Variants in SUSD4 observed in about 807,000 individuals in gnomAD.
The protein encoded by SUSD4 is sushi domain containing 4.
A neutral mutation model predicts 50.5 loss-of-function variants in SUSD4; 41 were observed. The observed-to-expected ratio is 0.81, with a 90% CI of 0.63 to 1.05. The LOEUF is 1.05. Among genes scored for constraint, SUSD4 ranks in the 50% least tolerant of loss-of-function variants. The pLI is 0.00. For missense variants in SUSD4, 580 were observed against 634.7 expected (o/e 0.91, Z 0.93); for synonymous variants, 257 against 257.3 (o/e 1.00, Z 0.01).
At chr1:223,273,291 G>A (rs1663039593) in intron 3 of SUSD4, among the ~76,000 whole-genome samples, 1 of 152,214 alleles carries the variant, frequency 6.6e-6, no homozygotes, top group South Asian at 2.1e-4. Context: ...ATTTTAGTGT[G>A]ATAGGGAGTT....
chr1:223,324,842 G>T (rs1450427650), intron 2 of SUSD4, among the ~76,000 whole-genome samples: 1 of 152,016 alleles, frequency 6.6e-6, no homozygotes, highest in East Asian at 1.9e-4. Flanking sequence ...AGCAGGCAGA[G>T]CCTAACTCTA....
intron 2 of SUSD4, among the ~76,000 whole-genome samples, chr1:223,326,902 A>C (rs187079920): frequency 6.6e-6 from 1 of 152,332 alleles, no homozygotes; most frequent in Admixed American, 6.5e-5. Context: ...TGAAAATGTA[A>C]ACTAGTATAA....
intron 3 of SUSD4, among the ~76,000 whole-genome samples, chr1:223,274,395 A>C (rs1418153): frequency 0.28 from 42,715 of 152,152 alleles, 7,424 homozygotes; most frequent in Non-Finnish European, 0.4. Flanking sequence ...CTTTGTGAGC[A>C]GGGCTGGTCC....
chr1:223,245,778 G>A (rs1660882554), intron 5 of SUSD4, among the ~76,000 whole-genome samples: 1 of 152,216 alleles, frequency 6.6e-6, no homozygotes, highest in African/African-American at 2.4e-5. Flanking sequence ...GTGGTGGGAA[G>A]AAGAGTGACT....
chr1:223,317,719 T>C (rs1180288305), intron 2 of SUSD4, among the ~76,000 whole-genome samples: 1 of 151,984 alleles, frequency 6.6e-6, no homozygotes, highest in Non-Finnish European at 1.5e-5. Context: ...TTTATTATTA[T>C]ATTTATGATT....
intron 2 of SUSD4, among the ~76,000 whole-genome samples, chr1:223,304,714 T>G (rs1665409286): frequency 1.4e-5 from 2 of 147,698 alleles, no homozygotes. Flanking sequence ...TGAGAATGTA[T>G]ACTTTGAATC....
At chr1:223,330,735 A>G (rs1389057528) in intron 2 of SUSD4, among the ~76,000 whole-genome samples, 1 of 152,232 alleles carries the variant, frequency 6.6e-6, no homozygotes, top group African/African-American at 2.4e-5. Context: ...GACAAATTCA[A>G]GTAAACAGAT....
At chr1:223,276,366 T>A (rs1170076572) in intron 3 of SUSD4, among the ~76,000 whole-genome samples, 2 of 152,144 alleles carry the variant, frequency 1.3e-5, no homozygotes, top group African/African-American at 4.8e-5. Flanking sequence ...AAGAGTGAGG[T>A]CTCAGCACTC....
At chr1:223,317,662 T>C (rs1309989968) in intron 2 of SUSD4, among the ~76,000 whole-genome samples, 1 of 152,098 alleles carries the variant, frequency 6.6e-6, no homozygotes, top group Non-Finnish European at 1.5e-5. Flanking sequence ...CTTGGGTAAA[T>C]GGTCTTTGCC....
chr1:223,223,147 C>G, intron 8 of SUSD4, 102 bp downstream of exon 8: 2 of 1,435,792 alleles, frequency 1.4e-6, no homozygotes, highest in Non-Finnish European at 1.8e-6. Context: ...ATTGATTCGA[C>G]TCTGTGCTGG....
At chr1:223,238,622 T>C (rs1281798615) in intron 5 of SUSD4, among the ~76,000 whole-genome samples, 3 of 152,024 alleles carry the variant, frequency 2.0e-5, no homozygotes, top group Admixed American at 6.5e-5. Flanking sequence ...AGAAGTACAT[T>C]GTCTGCATTT....
intron 3 of SUSD4, among the ~76,000 whole-genome samples, chr1:223,269,359 T>C (rs1324726314): frequency 1.3e-5 from 2 of 152,252 alleles, no homozygotes; most frequent in Non-Finnish European, 1.5e-5. Context: ...GGCTGGGGGC[T>C]GGGGGAGGAG....
intron 5 of SUSD4, among the ~76,000 whole-genome samples, chr1:223,243,294 G>A (rs1660709591): frequency 6.6e-6 from 1 of 152,194 alleles, no homozygotes; most frequent in African/African-American, 2.4e-5. Flanking sequence ...CCTTGCCCTG[G>A]ATGACCCTGG....
chr1:223,241,633 C>T (rs921402655), intron 5 of SUSD4, among the ~76,000 whole-genome samples: 4 of 152,216 alleles, frequency 2.6e-5, no homozygotes, highest in African/African-American at 9.7e-5. Context: ...GACTTCCGAA[C>T]TCCTTACACG....
At chr1:223,270,612 C>T (rs1662845001) in intron 3 of SUSD4, among the ~76,000 whole-genome samples, 1 of 152,160 alleles carries the variant, frequency 6.6e-6, no homozygotes, top group Non-Finnish European at 1.5e-5. Flanking sequence ...CTCTGTCACC[C>T]AGGCTGGAGT....
At chr1:223,329,883 T>G (rs940970734) in intron 2 of SUSD4, among the ~76,000 whole-genome samples, 4 of 152,122 alleles carry the variant, frequency 2.6e-5, no homozygotes, top group Non-Finnish European at 4.4e-5. Flanking sequence ...GATGGATGGC[T>G]GAATGGCAGT....
intron 2 of SUSD4, among the ~76,000 whole-genome samples, chr1:223,304,139 C>T (rs1345815118): frequency 1.3e-5 from 2 of 152,134 alleles, no homozygotes; most frequent in Non-Finnish European, 2.9e-5. Context: ...CTCATGCGTC[C>T]GTTTATAGGC....
chr1:223,252,662 A>C (rs894009473), intron 5 of SUSD4, among the ~76,000 whole-genome samples: 3 of 152,148 alleles, frequency 2.0e-5, no homozygotes, highest in Non-Finnish European at 4.4e-5. Context: ...ACAGGTGTTT[A>C]CTTGTGATAG....
chr1:223,310,269 G>C (rs1665794005), intron 2 of SUSD4, among the ~76,000 whole-genome samples: 1 of 152,010 alleles, frequency 6.6e-6, no homozygotes, highest in African/African-American at 2.4e-5. Flanking sequence ...TATGACCTTG[G>C]GCTGCAGCAA....
Sources: gnomAD v4.1 joint callset for allele counts (sites outside exome capture counted in the v4.1 genomes callset) on GRCh38, gnomAD v4.1.1 for gene constraint, MANE v1.5 for transcripts, NCBI Gene and HGNC (gene_info 2026-07-23, HGNC 2026-07-21) for gene names.